Variants in FSTL4 observed in about 807,000 individuals in gnomAD.
FSTL4 encodes the protein follistatin like 4.
A neutral mutation model predicts 78.2 loss-of-function variants in FSTL4; 28 were observed. The ratio of observed to expected loss-of-function variants is 0.36; its 90% CI spans 0.27 to 0.49. The LOEUF is 0.49. Among genes scored for constraint, FSTL4 ranks in the 20% least tolerant of loss-of-function variants. FSTL4 has a pLI of 0.98. For synonymous variants in FSTL4, 422 were observed against 440.5 expected (o/e 0.96, Z 0.53); for missense variants, 922 against 1,084.9 (o/e 0.85, Z 2.11).
intron 6 of FSTL4, among the ~76,000 whole-genome samples, chr5:133,298,622 G>A (rs568965024): frequency 6.6e-6 from 1 of 152,334 alleles, no homozygotes; most frequent in Non-Finnish European, 1.5e-5. Flanking sequence ...AAGCCCAAAA[G>A]CTTCCTAACC....
At chr5:133,249,835 T>C (rs367785517) in intron 6 of FSTL4, among the ~76,000 whole-genome samples, 6 of 152,318 alleles carry the variant, frequency 3.9e-5, no homozygotes, top group Middle Eastern at 3.4e-3. Context: ...CTGAGGACAA[T>C]CTGGGCCATA....
At chr5:133,615,580 C>G (rs898890758), upstream of FSTL4, among the ~76,000 whole-genome samples, 2 of 152,136 alleles carry the variant, frequency 1.3e-5, no homozygotes, top group African/African-American at 2.4e-5. Flanking sequence ...CTTTATTTTG[C>G]CTGTATTTAT....
chr5:133,811,317 G>T, the FSTL4 span, among the ~76,000 whole-genome samples: 2 of 152,042 alleles, frequency 1.3e-5, no homozygotes. Flanking sequence ...TACCTAGGGG[G>T]CCCTTTCATA....
intron 4 of FSTL4, among the ~76,000 whole-genome samples, chr5:133,346,386 G>A (rs976802991): frequency 9.2e-5 from 14 of 152,186 alleles, no homozygotes; most frequent in East Asian, 3.9e-4. Flanking sequence ...TTCTGCACAC[G>A]TATCCCAGAA....
rs116121905 is a variant in FSTL4, at chr5:133,572,185, T to C, written c.127-4966A>G. 2.8e-3 allele frequency among the ~76,000 whole-genome samples: 426 copies of C among 152,290 alleles called. 5 individuals carry two copies. Among genetic ancestry groups the C allele is most frequent in the Middle Eastern group, 0.014 (4 of 294 alleles). On this transcript the variant is annotated intron_variant, in intron 2 of 15. Coordinates refer to ENST00000265342, the MANE Select transcript of FSTL4 (RefSeq NM_015082.2). ...GTAGAGATGGGGAGAACATTGCCTA[T>C]AAGGGAGCAACAGTAAGTGGGATAG... is the stretch of plus-strand genomic sequence containing the variant.
At chr5:133,457,240 G>A (rs1474613480) in intron 3 of FSTL4, among the ~76,000 whole-genome samples, 1 of 152,190 alleles carries the variant, frequency 6.6e-6, no homozygotes, top group Non-Finnish European at 1.5e-5. Context: ...AAAATGGCCT[G>A]GTTGTGCAAG....
chr5:133,795,438 T>C, the FSTL4 span, among the ~76,000 whole-genome samples: 13,493 of 152,256 alleles, frequency 0.089, 675 homozygotes, highest in East Asian at 0.17. Flanking sequence ...GTCATCAGAG[T>C]GCCCCAAGGT....
intron 2 of FSTL4, among the ~76,000 whole-genome samples, chr5:133,599,581 A>G (rs957704778): frequency 3.9e-5 from 6 of 152,230 alleles, no homozygotes; most frequent in African/African-American, 1.4e-4. Context: ...GGTATGTAGT[A>G]CGTGACTATG....
At chr5:133,785,713 C>T in the FSTL4 span, among the ~76,000 whole-genome samples, 3 of 152,144 alleles carry the variant, frequency 2.0e-5, no homozygotes, top group East Asian at 5.8e-4. Flanking sequence ...GAATCGAGGG[C>T]CAAGTGGTGT....
intron 5 of FSTL4, among the ~76,000 whole-genome samples, chr5:133,315,366 C>T (rs1209818155): frequency 6.6e-6 from 1 of 152,190 alleles, no homozygotes; most frequent in Non-Finnish European, 1.5e-5. Flanking sequence ...CATTCTTTGC[C>T]ACTATCCTAC....
intron 4 of FSTL4, among the ~76,000 whole-genome samples, chr5:133,369,273 C>A (rs1580654840): frequency 1.3e-5 from 2 of 152,200 alleles, no homozygotes; most frequent in East Asian, 3.9e-4. Flanking sequence ...AAACAAAAAG[C>A]CAATTACACA....
intron 3 of FSTL4, among the ~76,000 whole-genome samples, chr5:133,503,770 C>T (rs917564599): frequency 6.6e-6 from 1 of 152,230 alleles, no homozygotes; most frequent in African/African-American, 2.4e-5. Context: ...CTCCCATTGG[C>T]ACATCTAACT....
At chr5:133,623,671 G>A in the FSTL4 span, among the ~76,000 whole-genome samples, 2 of 151,910 alleles carry the variant, frequency 1.3e-5, no homozygotes, top group Admixed American at 1.3e-4. Context: ...AAAAACTTTT[G>A]TGTATCAAAT....
the FSTL4 span, among the ~76,000 whole-genome samples, chr5:133,662,019 A>G: frequency 6.6e-6 from 1 of 152,230 alleles, no homozygotes; most frequent in South Asian, 2.1e-4. Flanking sequence ...AACCATACAT[A>G]TATGCTTGAT....
At chr5:133,531,449 T>C (rs1290694335) in intron 3 of FSTL4, among the ~76,000 whole-genome samples, 1 of 152,056 alleles carries the variant, frequency 6.6e-6, no homozygotes, top group Non-Finnish European at 1.5e-5. Flanking sequence ...CCGTGGAATA[T>C]CCCCTGGAAA....
At chr5:133,363,846 G>A (rs1461920179) in intron 4 of FSTL4, among the ~76,000 whole-genome samples, 10 of 152,258 alleles carry the variant, frequency 6.6e-5, no homozygotes, top group African/African-American at 2.2e-4. Flanking sequence ...CTTTCCATCA[G>A]CCTTAACAGC....
At chr5:133,427,407 G>A (rs181464954) in intron 3 of FSTL4, among the ~76,000 whole-genome samples, 20 of 152,312 alleles carry the variant, frequency 1.3e-4, no homozygotes, top group Admixed American at 3.9e-4. Context: ...GTCCACTTCC[G>A]AGGCTTGCCT....
At chr5:133,428,474 A>G (rs1258862328) in intron 3 of FSTL4, among the ~76,000 whole-genome samples, 1 of 152,170 alleles carries the variant, frequency 6.6e-6, no homozygotes, top group Admixed American at 6.5e-5. Context: ...CAGGACACGA[A>G]CAACAGAAGG....
the FSTL4 span, among the ~76,000 whole-genome samples, chr5:133,770,246 TACTC>T: frequency 6.6e-6 from 1 of 152,166 alleles, no homozygotes. Flanking sequence ...TTTGGGTAGA[TACTC>T]AGTTGCTGGA....
Sources: gnomAD v4.1 joint callset for allele counts (sites outside exome capture counted in the v4.1 genomes callset) on GRCh38, gnomAD v4.1.1 for gene constraint, MANE v1.5 for transcripts, NCBI Gene and HGNC (gene_info 2026-07-23, HGNC 2026-07-21) for gene names.